MGAT4A: variants seen among roughly 807,000 people sequenced by gnomAD.
MGAT4A encodes N-acetylglucosaminyltransferase IVa.
A neutral mutation model predicts 74.1 loss-of-function variants in MGAT4A; 33 were observed. The ratio of observed to expected loss-of-function variants is 0.45; its 90% CI spans 0.34 to 0.60. The LOEUF (loss-of-function observed/expected upper bound fraction) is 0.60, where lower values mean the gene tolerates loss of function less well. MGAT4A is among the 20% of genes least tolerant of loss of function. The probability of loss-of-function intolerance (pLI) is 0.02; values close to 1 mark genes in which losing one functional copy is unlikely to be tolerated. For missense variants in MGAT4A, 479 were observed against 628.3 expected (o/e 0.76, Z 2.54); for synonymous variants, 198 against 210.4 (o/e 0.94, Z 0.51).
chr2:98,678,560 A>C, intron 2 of MGAT4A, 89 bp from the exon 3 acceptor site: 1 of 890,806 alleles, frequency 1.1e-6, no homozygotes, highest in Non-Finnish European at 1.5e-6. Flanking sequence ...ACAAAGTTTA[A>C]AGTTGAGTTT....
intron 2 of MGAT4A, among the ~76,000 whole-genome samples, chr2:98,701,484 C>T (rs1017479691): frequency 1.3e-5 from 2 of 152,134 alleles, no homozygotes; most frequent in Admixed American, 6.5e-5. Context: ...CATATGTCGG[C>T]CATGAATAAT....
chr2:98,701,371 AT>A (rs1199210858), intron 2 of MGAT4A, among the ~76,000 whole-genome samples: 1 of 152,204 alleles, frequency 6.6e-6, no homozygotes, highest in Non-Finnish European at 1.5e-5. Flanking sequence ...GAACTGGACA[AT>A]TACTCACATC....
intron 8 of MGAT4A, among the ~76,000 whole-genome samples, chr2:98,652,327 A>AT (rs70940120): frequency 0.014 from 1,666 of 123,376 alleles, 21 homozygotes; most frequent in South Asian, 0.023. Flanking sequence ...TATCTCAACA[A>AT]TTTTTTTTTT....
intron 8 of MGAT4A, among the ~76,000 whole-genome samples, chr2:98,646,042 A>G (rs1405650607): frequency 2.6e-5 from 4 of 152,198 alleles, no homozygotes; most frequent in African/African-American, 7.2e-5. Context: ...ATAAAAAATT[A>G]TATTATTAGG....
At chr2:98,658,924 T>C (rs910291028) in intron 5 of MGAT4A, among the ~76,000 whole-genome samples, 5 of 152,232 alleles carry the variant, frequency 3.3e-5, no homozygotes, top group Non-Finnish European at 5.9e-5. Flanking sequence ...TTTATTGATT[T>C]AATGAATCAC....
At chr2:98,679,692 T>C (rs1486791256) in intron 2 of MGAT4A, among the ~76,000 whole-genome samples, 5 of 152,178 alleles carry the variant, frequency 3.3e-5, no homozygotes, top group African/African-American at 1.2e-4. Context: ...TTAAAAGTCA[T>C]TCATTTGAAT....
intron 14 of MGAT4A, among the ~76,000 whole-genome samples, chr2:98,627,620 C>T (rs1185505357): frequency 6.6e-6 from 1 of 152,226 alleles, no homozygotes; most frequent in African/African-American, 2.4e-5. Context: ...AAGTGATCCA[C>T]CTGCCTCGGC....
intron 10 of MGAT4A, among the ~76,000 whole-genome samples, chr2:98,641,631 G>C (rs1385499022): frequency 6.6e-6 from 1 of 151,120 alleles, no homozygotes; most frequent in Non-Finnish European, 1.5e-5. Flanking sequence ...AGCCGAGATC[G>C]CGCCACTGCA....
chr2:98,729,814 A>T (rs936155109), intron 1 of MGAT4A, among the ~76,000 whole-genome samples: 1 of 152,258 alleles, frequency 6.6e-6, no homozygotes, highest in Non-Finnish European at 1.5e-5. Flanking sequence ...AATGAAAGGC[A>T]CAATAATCCC....
intron 13 of MGAT4A, 43 bp downstream of exon 13, chr2:98,636,474 G>T: frequency 7.1e-7 from 1 of 1,411,144 alleles, no homozygotes; most frequent in Non-Finnish European, 1.0e-6. Flanking sequence ...AAGTCTACTA[G>T]TATTAGTTGT....
chr2:98,679,026 T>A (rs13412203), intron 2 of MGAT4A, among the ~76,000 whole-genome samples: 7,362 of 152,134 alleles, frequency 0.048, 412 homozygotes, highest in African/African-American at 0.12. Flanking sequence ...AAAAACCCAG[T>A]GAGTGGCCAG....
chr2:98,643,388 T>G (rs1701440482), intron 10 of MGAT4A, among the ~76,000 whole-genome samples: 1 of 152,204 alleles, frequency 6.6e-6, no homozygotes, highest in Non-Finnish European at 1.5e-5. Flanking sequence ...AAAGCAAAAA[T>G]TATTATTCAC....
At chr2:98,695,602 AC>A (rs1702260604) in intron 2 of MGAT4A, 1 of 154,538 alleles carries the variant, frequency 6.5e-6, no homozygotes, top group South Asian at 2.1e-4. Context: ...TGTGTATGGA[AC>A]CAACTGTTTA....
rs1701053106 is a variant in MGAT4A at position 98,620,968 on chromosome 2, T to C, written c.*4598A>G. 6.5e-6 allele frequency: 1 copy of C among 152,974 alleles called. No individual in the cohort carries two copies. The highest frequency in any genetic ancestry group is 2.4e-5 in the African/African-American group (1 of 41,584). 9.5% of individuals were successfully genotyped at this position (152,974 alleles called of 1,614,324 possible). A position where few individuals can be genotyped will look rare whatever the true frequency, so the allele number is the denominator to read the frequency against. On this transcript the variant is annotated 3_prime_UTR_variant, in exon 16 of 16. Transcript: ENST00000393487. ...CTAATTGAGATCTCTGGCGAGAACA[T>C]CCCCAACAAGGTCCAGGTACATGAC...
chr2:98,686,254 T>G (rs1032533883), intron 2 of MGAT4A, among the ~76,000 whole-genome samples: 1 of 152,220 alleles, frequency 6.6e-6, no homozygotes, highest in African/African-American at 2.4e-5. Context: ...TCATACACTT[T>G]ATTTAAATTA....
chr2:98,640,079 A>G (rs1394709129), intron 11 of MGAT4A, 42 bp downstream of exon 11: 2 of 1,562,760 alleles, frequency 1.3e-6, no homozygotes, highest in East Asian at 4.5e-5. Context: ...AACTTAAATA[A>G]CAAGTTGTAT....
intron 2 of MGAT4A, among the ~76,000 whole-genome samples, chr2:98,698,919 C>T (rs1197998948): frequency 6.6e-6 from 1 of 152,162 alleles, no homozygotes; most frequent in African/African-American, 2.4e-5. Context: ...TTTATATCAA[C>T]ACAAACTGTA....
chr2:98,707,979 T>C (rs1005134982), intron 2 of MGAT4A, among the ~76,000 whole-genome samples: 8 of 152,202 alleles, frequency 5.3e-5, no homozygotes, highest in Admixed American at 1.3e-4. Context: ...GTAACTTAAG[T>C]TCCACACTGT....
At chr2:98,645,584 A>G in intron 8 of MGAT4A, 42 bp from the exon 9 acceptor site, 1 of 1,365,378 alleles carries the variant, frequency 7.3e-7, no homozygotes, top group Non-Finnish European at 9.9e-7. Context: ...TCAAAAAAAG[A>G]AAGGTATTGA....
Sources: gnomAD v4.1 joint callset for allele counts (sites outside exome capture counted in the v4.1 genomes callset) on GRCh38, gnomAD v4.1.1 for gene constraint, MANE v1.5 for transcripts, NCBI Gene and HGNC (gene_info 2026-07-23, HGNC 2026-07-21) for gene names.